Variants in MAN1A2 observed in about 807,000 individuals in gnomAD.
The protein encoded by MAN1A2 is mannosidase alpha class 1A member 2.
In MAN1A2, 26 loss-of-function variants were observed where a neutral mutation model predicts 75.7. The observed-to-expected ratio is 0.34, with a 90% CI of 0.25 to 0.48. The LOEUF (loss-of-function observed/expected upper bound fraction) is 0.48, where lower values mean the gene tolerates loss of function less well. Ranked by LOEUF, MAN1A2 falls within the 20% of genes least tolerant of loss-of-function variation. MAN1A2 has a pLI of 0.99. For synonymous variants in MAN1A2, 247 were observed against 264.6 expected (o/e 0.93, Z 0.65); for missense variants, 562 against 775.5 (o/e 0.72, Z 3.27).
chr1:117,466,984 GA>G (rs781157996), intron 8 of MAN1A2, among the ~76,000 whole-genome samples: 6 of 152,136 alleles, frequency 3.9e-5, no homozygotes, highest in Non-Finnish European at 7.4e-5. Flanking sequence ...TACTGTACAG[GA>G]AGGAACCAAT....
rs561756356 is a variant in MAN1A2, at chr1:117,424,806, G to A, written c.855+4157G>A. 1.2e-4 allele frequency among the ~76,000 whole-genome samples: 18 copies of A among 152,174 alleles called. No homozygotes were observed. The South Asian group carries it at 2.5e-3, about 21-fold the overall frequency. ...AAATCTTTGGGATTTAGATTTCCCCGGGAAGGATGGAATGTTCATTCTTGG... is the reference window on the plus strand; with the variant it reads ...AAATCTTTGGGATTTAGATTTCCCCAGGAAGGATGGAATGTTCATTCTTGG... On this transcript the variant is annotated intron_variant, in intron 5 of 12. Transcript: ENST00000356554.
chr1:117,463,439 A>T (rs1557961185), intron 7 of MAN1A2, among the ~76,000 whole-genome samples: 1 of 152,012 alleles, frequency 6.6e-6, no homozygotes, highest in Non-Finnish European at 1.5e-5. Context: ...TCCTGAACAC[A>T]TAGGCTTCAA....
At chr1:117,522,410 C>T (rs2101035757) in intron 12 of MAN1A2, among the ~76,000 whole-genome samples, 1 of 151,950 alleles carries the variant, frequency 6.6e-6, no homozygotes, top group Non-Finnish European at 1.5e-5. Context: ...ATCCAACACC[C>T]ATTTCTGATA....
chr1:117,440,564 A>AT (rs1270857967), intron 5 of MAN1A2, among the ~76,000 whole-genome samples: 7 of 152,046 alleles, frequency 4.6e-5, no homozygotes, highest in Admixed American at 1.3e-4. Context: ...TATGTAAGGG[A>AT]TTTTTTCTCA....
At chr1:117,394,348 C>T (rs534005224) in intron 1 of MAN1A2, among the ~76,000 whole-genome samples, 2 of 152,280 alleles carry the variant, frequency 1.3e-5, no homozygotes, top group South Asian at 4.1e-4. Flanking sequence ...TCCCAAAGTG[C>T]TGGGATTACA....
At chr1:117,493,308 A>G (rs368315834) in intron 9 of MAN1A2, 46 bp downstream of exon 9, 3 of 1,250,472 alleles carry the variant, frequency 2.4e-6, no homozygotes, top group Admixed American at 1.7e-5. Context: ...TTGAATGTAC[A>G]GTGTATTTTG....
chr1:117,506,109 C>T (rs770274194), intron 12 of MAN1A2, among the ~76,000 whole-genome samples: 8 of 146,964 alleles, frequency 5.4e-5, no homozygotes, highest in Non-Finnish European at 9.1e-5. Flanking sequence ...GAGCTTAAAA[C>T]TTTATAGAGG....
chr1:117,502,827 T>G, intron 11 of MAN1A2, 28 bp from the exon 12 acceptor site: 1 of 1,170,238 alleles, frequency 8.5e-7, no homozygotes, highest in East Asian at 2.4e-5. Context: ...TCTACGGAAT[T>G]GCTTATTTTG....
intron 1 of MAN1A2, among the ~76,000 whole-genome samples, chr1:117,375,088 T>G (rs1653093950): frequency 1.3e-5 from 2 of 152,162 alleles, no homozygotes; most frequent in South Asian, 4.1e-4. Flanking sequence ...TGGGTATATT[T>G]ACAAAATTGT....
intron 1 of MAN1A2, among the ~76,000 whole-genome samples, chr1:117,371,324 C>A (rs930809443): frequency 2.6e-5 from 4 of 152,096 alleles, no homozygotes; most frequent in African/African-American, 4.8e-5. Flanking sequence ...GTGGCAGGCC[C>A]CGCTTTCATG....
At chr1:117,393,962 G>A (rs1653824943) in intron 1 of MAN1A2, among the ~76,000 whole-genome samples, 1 of 152,062 alleles carries the variant, frequency 6.6e-6, no homozygotes, top group Non-Finnish European at 1.5e-5. Context: ...AGGAAATTAT[G>A]TTTACTGAGT....
chr1:117,388,864 AT>A (rs1653627778), intron 1 of MAN1A2, among the ~76,000 whole-genome samples: 1 of 152,228 alleles, frequency 6.6e-6, no homozygotes, highest in Non-Finnish European at 1.5e-5. Context: ...CTTTTTAAAA[AT>A]AATATTTACA....
rs1652832368 is a variant in MAN1A2, at chr1:117,368,170, C to T, written c.-14C>T. 1.3e-6 allele frequency: 2 copies of T among 1,599,178 alleles called. No individual in the cohort carries two copies. The highest frequency in any genetic ancestry group is 1.1e-5 in the South Asian group (1 of 88,878). On this transcript the variant is annotated 5_prime_UTR_variant, in exon 1 of 13. Transcript: ENST00000356554. The stretch of plus-strand genomic sequence containing the variant: ...TGAGAACTTTCTAAAGTATTCTCTC[C>T]AAGAGCGTAAACGATGACTACCCCA...
chr1:117,405,062 A>G (rs1164435137), intron 2 of MAN1A2, among the ~76,000 whole-genome samples: 2 of 152,152 alleles, frequency 1.3e-5, no homozygotes, highest in African/African-American at 4.8e-5. Flanking sequence ...AAAAAAATAA[A>G]TAAAATAAAT....
intron 8 of MAN1A2, among the ~76,000 whole-genome samples, chr1:117,488,543 A>G (rs942484538): frequency 1.3e-5 from 2 of 152,046 alleles, no homozygotes; most frequent in Non-Finnish European, 1.5e-5. Context: ...AAACAAATTT[A>G]TGGTGATAAT....
intron 1 of MAN1A2, among the ~76,000 whole-genome samples, chr1:117,392,631 C>T (rs1041868293): frequency 1.3e-4 from 20 of 152,302 alleles, no homozygotes; most frequent in Admixed American, 1.3e-3. Context: ...GCTGAAATTA[C>T]TTGAATGACA....
intron 4 of MAN1A2, among the ~76,000 whole-genome samples, chr1:117,415,501 C>T (rs1030454930): frequency 3.9e-5 from 6 of 152,036 alleles, no homozygotes; most frequent in Admixed American, 3.9e-4. Flanking sequence ...TTCTCTGATG[C>T]CATTCTTGGA....
chr1:117,449,248 C>T (rs1649329838), intron 6 of MAN1A2, among the ~76,000 whole-genome samples: 1 of 152,104 alleles, frequency 6.6e-6, no homozygotes, highest in Non-Finnish European at 1.5e-5. Flanking sequence ...AATAGCATGT[C>T]TCTCACTTTA....
At chr1:117,514,328 A>C (rs1330862961) in intron 12 of MAN1A2, among the ~76,000 whole-genome samples, 1 of 150,668 alleles carries the variant, frequency 6.6e-6, no homozygotes, top group South Asian at 2.1e-4. Context: ...ATGCCACTGC[A>C]CTCCAGCTGG....
Sources: allele counts gnomAD v4.1 joint callset (sites outside exome capture counted in the v4.1 genomes callset), GRCh38; gene constraint gnomAD v4.1.1; transcripts MANE v1.5; gene names NCBI Gene and HGNC (gene_info 2026-07-23, HGNC 2026-07-21).